The following HTR4 variants were observed in gnomAD, a reference collection of about 807,000 sequenced individuals.
HTR4 encodes 5-hydroxytryptamine receptor 4.
HTR4 carries 16 observed loss-of-function variants against 36.8 expected under a neutral mutation model. That is an observed-to-expected ratio of 0.43 (90% confidence interval 0.29 to 0.66). The LOEUF is 0.66. Ranked by LOEUF, HTR4 falls within the 30% of genes least tolerant of loss-of-function variation. The probability of loss-of-function intolerance (pLI) is 0.13; values close to 1 mark genes in which losing one functional copy is unlikely to be tolerated. For synonymous variants in HTR4, 189 were observed against 185.1 expected (o/e 1.02, Z -0.17); for missense variants, 438 against 490.9 (o/e 0.89, Z 1.02).
intron 4 of HTR4, among the ~76,000 whole-genome samples, chr5:148,535,766 C>T (rs1342528679): frequency 1.3e-5 from 2 of 152,128 alleles, no homozygotes; most frequent in African/African-American, 4.8e-5. Context: ...AAATCACTGG[C>T]ATCCCTGAAA....
chr5:148,643,600 C>T (rs551120643), intron 1 of HTR4, among the ~76,000 whole-genome samples: 6 of 152,146 alleles, frequency 3.9e-5, no homozygotes, highest in Admixed American at 1.3e-4. Context: ...TATTTGACCA[C>T]AAATTCTATG....
At chr5:148,514,946 G>T (rs1417363534) in intron 5 of HTR4, among the ~76,000 whole-genome samples, 3 of 151,868 alleles carry the variant, frequency 2.0e-5, no homozygotes, top group African/African-American at 4.8e-5. Flanking sequence ...CTTACAAGCA[G>T]CATATATTTG....
At chr5:148,521,542 T>C (rs1758017099) in intron 5 of HTR4, among the ~76,000 whole-genome samples, 1 of 151,520 alleles carries the variant, frequency 6.6e-6, no homozygotes, top group Admixed American at 6.6e-5. Flanking sequence ...AACTACACTA[T>C]TGGCTCTCCT....
chr5:148,556,479 G>T (rs759557669), intron 2 of HTR4, among the ~76,000 whole-genome samples: 3 of 152,126 alleles, frequency 2.0e-5, no homozygotes, highest in Non-Finnish European at 4.4e-5. Flanking sequence ...TGTATTGAGT[G>T]CCAACTATAT....
intron 1 of HTR4, among the ~76,000 whole-genome samples, chr5:148,639,462 G>C (rs1753656705): frequency 6.6e-6 from 1 of 151,756 alleles, no homozygotes; most frequent in Non-Finnish European, 1.5e-5. Flanking sequence ...CTTTTCCCTG[G>C]AATGTGACCA....
chr5:148,615,861 A>G (rs113913588), intron 2 of HTR4, among the ~76,000 whole-genome samples: 2,102 of 152,312 alleles, frequency 0.014, 43 homozygotes, highest in African/African-American at 0.049. Flanking sequence ...CGGGAGCCAA[A>G]ATACTTTTTT....
At chr5:148,535,530 A>G (rs1288111722) in intron 4 of HTR4, among the ~76,000 whole-genome samples, 1 of 152,218 alleles carries the variant, frequency 6.6e-6, no homozygotes, top group African/African-American at 2.4e-5. Flanking sequence ...AGCCAGTATA[A>G]AAAAAGAACA....
At chr5:148,631,060 G>T (rs1753305097) in intron 2 of HTR4, among the ~76,000 whole-genome samples, 1 of 152,100 alleles carries the variant, frequency 6.6e-6, no homozygotes, top group Non-Finnish European at 1.5e-5. Flanking sequence ...TTCACACATT[G>T]CAAGAGGCCA....
At chr5:148,466,564 G>C (rs934229855) in intron 5 of HTR4, among the ~76,000 whole-genome samples, 1 of 152,098 alleles carries the variant, frequency 6.6e-6, no homozygotes, top group African/African-American at 2.4e-5. Flanking sequence ...TGGTGGCTGA[G>C]AGTTAAATGT....
At position 148,620,818 on chromosome 5, in the gene HTR4, C is replaced by G. The variant is rs555879108; in HGVS notation, c.26+16171G>C. On this transcript the variant is annotated intron_variant, in intron 2 of 6. Coordinates refer to ENST00000377888, the MANE Select transcript of HTR4 (RefSeq NM_000870.7). ...CTGTGATATGATGATATTCAGGAAG[C>G]CTTGACTTAGCCCTCACTATCTTCT... Among the ~76,000 whole-genome samples the G allele has an allele frequency of 2.0e-4, 30 of 152,270 alleles. No homozygotes were observed. The South Asian group carries it at 2.5e-3, about 13-fold the overall frequency.
chr5:148,602,545 T>G (rs1387504383), intron 2 of HTR4, among the ~76,000 whole-genome samples: 1 of 152,040 alleles, frequency 6.6e-6, no homozygotes, highest in Non-Finnish European at 1.5e-5. Context: ...AAGAATATAA[T>G]TTTTTCAAAA....
intron 4 of HTR4, among the ~76,000 whole-genome samples, chr5:148,541,746 G>A (rs1366624724): frequency 6.6e-6 from 1 of 152,212 alleles, no homozygotes; most frequent in African/African-American, 2.4e-5. Context: ...CATTGGAAAA[G>A]CAGTGAAAGC....
chr5:148,522,812 G>T (rs909812613), intron 5 of HTR4, among the ~76,000 whole-genome samples: 7 of 152,126 alleles, frequency 4.6e-5, no homozygotes, highest in Non-Finnish European at 8.8e-5. Context: ...CAGGGCTCTT[G>T]CTGAAGACAG....
downstream of HTR4, among the ~76,000 whole-genome samples, chr5:148,479,555 G>A (rs1755809474): frequency 6.6e-6 from 1 of 151,888 alleles, no homozygotes; most frequent in African/African-American, 2.4e-5. Context: ...AATCTATGTA[G>A]GCTCCAATTT....
intron 2 of HTR4, among the ~76,000 whole-genome samples, chr5:148,563,104 G>A (rs1177045993): frequency 1.3e-5 from 2 of 152,102 alleles, no homozygotes; most frequent in African/African-American, 4.8e-5. Context: ...CCCTCACCAT[G>A]ACCTATGTAA....
intron 5 of HTR4, among the ~76,000 whole-genome samples, chr5:148,469,481 C>T (rs1755512016): frequency 6.6e-6 from 1 of 152,200 alleles, no homozygotes; most frequent in Non-Finnish European, 1.5e-5. Flanking sequence ...CTTGCCTCCT[C>T]ACCTGAACAT....
At chr5:148,610,233 G>A (rs1209500862) in intron 2 of HTR4, among the ~76,000 whole-genome samples, 1 of 152,182 alleles carries the variant, frequency 6.6e-6, no homozygotes, top group Non-Finnish European at 1.5e-5. Flanking sequence ...CCGGTCTACA[G>A]CTCCCAGCCT....
intron 2 of HTR4, among the ~76,000 whole-genome samples, chr5:148,622,461 CATGCCTCTCTACCA>C (rs1248953705): frequency 6.6e-6 from 1 of 152,158 alleles, no homozygotes; most frequent in Non-Finnish European, 1.5e-5. Flanking sequence ...ATAAAACCAC[CATGCCTCTCTACCA>C]ATAGTTTATC....
chr5:148,604,526 A>G (rs1426734978), intron 2 of HTR4, among the ~76,000 whole-genome samples: 1 of 152,214 alleles, frequency 6.6e-6, no homozygotes, highest in Non-Finnish European at 1.5e-5. Flanking sequence ...AGAAATGGGT[A>G]CACATATGCA....
Sources: allele counts gnomAD v4.1 joint callset (sites outside exome capture counted in the v4.1 genomes callset), GRCh38; gene constraint gnomAD v4.1.1; transcripts MANE v1.5; gene names NCBI Gene and HGNC (gene_info 2026-07-23, HGNC 2026-07-21).